Variants in SUCLG2 observed in about 807,000 individuals in gnomAD.
The protein encoded by SUCLG2 is succinate-CoA ligase GDP-forming subunit beta, also known as succinate--CoA ligase [GDP-forming] subunit beta, mitochondrial.
Under a neutral mutation model 47.9 loss-of-function variants are expected in SUCLG2, and 42 were observed. The ratio of observed to expected loss-of-function variants is 0.88; its 90% confidence interval spans 0.69 to 1.14. The LOEUF is 1.14. Among genes scored for constraint, SUCLG2 ranks in the 50% most tolerant of loss-of-function variants. The pLI is 0.00. For missense variants in SUCLG2, 571 were observed against 525.9 expected (o/e 1.09, Z -0.84); for synonymous variants, 195 against 197.3 (o/e 0.99, Z 0.10).
chr3:67,374,275 CAAT>C (rs1317822601), downstream of SUCLG2, among the ~76,000 whole-genome samples: 1 of 152,062 alleles, frequency 6.6e-6, no homozygotes, highest in Non-Finnish European at 1.5e-5. Flanking sequence ...TGGCTCTAAA[CAAT>C]AATGACTTTC....
chr3:67,462,081 T>C (rs1170733914), intron 9 of SUCLG2, among the ~76,000 whole-genome samples: 1 of 152,108 alleles, frequency 6.6e-6, no homozygotes, highest in Non-Finnish European at 1.5e-5. Flanking sequence ...AGTTCCTAGC[T>C]CATAACTCCC....
At chr3:67,383,796 C>A (rs1374257148) in intron 10 of SUCLG2, among the ~76,000 whole-genome samples, 1 of 152,020 alleles carries the variant, frequency 6.6e-6, no homozygotes, top group Non-Finnish European at 1.5e-5. Context: ...GTTAAAGGAG[C>A]CTTAATATTA....
Position 67,444,315 on chromosome 3 carries a change from G to A in SUCLG2, c.1063-43464C>T, listed in dbSNP as rs1369773513. Among the ~76,000 whole-genome samples, 6 of 79,702 alleles carry A rather than the reference G, an allele frequency of 7.5e-5. 1 individual carries two copies. Among genetic ancestry groups the A allele is most frequent in the South Asian group, 6.7e-4 (1 of 1,494 alleles). 52.3% of individuals were successfully genotyped at this position (79,702 alleles called of 152,430 possible). Reference sequence around the variant, plus strand: ...GGTCAGCCCTCCCACCCGGCCAGCCGCCCCGTCTGGGAGGGAGGTGGGGGG... The same window carrying A: ...GGTCAGCCCTCCCACCCGGCCAGCCACCCCGTCTGGGAGGGAGGTGGGGGG... On this transcript the variant is annotated intron_variant, in intron 9 of 10. Coordinates refer to ENST00000307227, the MANE Select transcript of SUCLG2 (RefSeq NM_003848.4).
At chr3:67,435,628 C>A (rs1703600422) in intron 9 of SUCLG2, among the ~76,000 whole-genome samples, 1 of 152,210 alleles carries the variant, frequency 6.6e-6, no homozygotes, top group Non-Finnish European at 1.5e-5. Context: ...TATGTCCACA[C>A]ATATGTGCCT....
At chr3:67,430,486 CAAGAGAAAGCAGGA>C (rs1487237640) in intron 9 of SUCLG2, among the ~76,000 whole-genome samples, 2 of 152,096 alleles carry the variant, frequency 1.3e-5, no homozygotes, top group Admixed American at 1.3e-4. Context: ...TAAATGCCCA[CAAGAGAAAGCAGGA>C]AAGATCCAAA....
intron 9 of SUCLG2, among the ~76,000 whole-genome samples, chr3:67,475,854 A>C (rs1245467823): frequency 6.6e-6 from 1 of 152,012 alleles, no homozygotes; most frequent in African/African-American, 2.4e-5. Flanking sequence ...ATGCCCAACA[A>C]AAATGTTTCC....
chr3:67,364,972 A>G (rs913369211), intron 10 of SUCLG2, among the ~76,000 whole-genome samples: 1 of 152,202 alleles, frequency 6.6e-6, no homozygotes, highest in Non-Finnish European at 1.5e-5. Flanking sequence ...GATAGAAAGA[A>G]CCAAATGGAA....
intron 1 of SUCLG2, among the ~76,000 whole-genome samples, chr3:67,653,898 A>T (rs997189832): frequency 2.0e-5 from 3 of 152,216 alleles, no homozygotes; most frequent in African/African-American, 7.2e-5. Flanking sequence ...CAATGGTCTA[A>T]TGCGTTTTAG....
At chr3:67,607,684 C>T (rs766059590) in intron 2 of SUCLG2, among the ~76,000 whole-genome samples, 2 of 152,178 alleles carry the variant, frequency 1.3e-5, no homozygotes, top group Non-Finnish European at 2.9e-5. Flanking sequence ...ACCCAAATCT[C>T]ACCTTGAATT....
chr3:67,556,757 C>A (rs1426980875), intron 2 of SUCLG2, among the ~76,000 whole-genome samples: 1 of 152,180 alleles, frequency 6.6e-6, no homozygotes, highest in East Asian at 1.9e-4. Flanking sequence ...ATGTACAAAC[C>A]AGTAAGAGTT....
intron 1 of SUCLG2, among the ~76,000 whole-genome samples, chr3:67,611,629 A>G (rs552142396): frequency 6.6e-6 from 1 of 152,252 alleles, no homozygotes; most frequent in Non-Finnish European, 1.5e-5. Flanking sequence ...CTACGTTGAC[A>G]TAACAATTTA....
chr3:67,379,421 T>TTA (rs1376486744), intron 10 of SUCLG2, among the ~76,000 whole-genome samples: 1 of 152,202 alleles, frequency 6.6e-6, no homozygotes, highest in Non-Finnish European at 1.5e-5. Flanking sequence ...GACTAGTTTT[T>TTA]TATCACGGTT....
At chr3:67,419,448 C>T (rs188476191) in intron 9 of SUCLG2, among the ~76,000 whole-genome samples, 3 of 152,120 alleles carry the variant, frequency 2.0e-5, no homozygotes, top group Non-Finnish European at 4.4e-5. Flanking sequence ...AGAAATGTAA[C>T]TAAAATCATG....
intron 9 of SUCLG2, among the ~76,000 whole-genome samples, chr3:67,462,628 G>A (rs1704365915): frequency 6.6e-6 from 1 of 152,136 alleles, no homozygotes; most frequent in Non-Finnish European, 1.5e-5. Context: ...TGTATCTTCT[G>A]TAACATCCTT....
At chr3:67,623,582 A>G (rs2107338945) in intron 1 of SUCLG2, among the ~76,000 whole-genome samples, 1 of 152,306 alleles carries the variant, frequency 6.6e-6, no homozygotes, top group Non-Finnish European at 1.5e-5. Context: ...AAATTTTCAA[A>G]AAGGGGAAAA....
rs749927836 is a variant in SUCLG2 at position 67,405,628 on chromosome 3, A to G, written c.1063-4777T>C. Among the ~76,000 whole-genome samples, 166 of 152,314 alleles carry G rather than the reference A, an allele frequency of 1.1e-3. 2 individuals carry two copies. The highest frequency in any genetic ancestry group is 6.8e-3 in the Middle Eastern group (2 of 294). ...CAGCATATGCATTCAGGATAGGGCT[A>G]TGAGTTTCAGATAATGGCAAGTGTT... On this transcript the variant is annotated intron_variant, in intron 9 of 10. Coordinates refer to ENST00000307227, the MANE Select transcript of SUCLG2 (RefSeq NM_003848.4).
chr3:67,498,324 G>C (rs1483608032), intron 7 of SUCLG2, 29 bp from the exon 8 acceptor site: 1 of 1,608,294 alleles, frequency 6.2e-7, no homozygotes, highest in Admixed American at 1.7e-5. Context: ...AATCATACTT[G>C]AATATCTCTT....
intron 1 of SUCLG2, among the ~76,000 whole-genome samples, chr3:67,641,179 T>C (rs1701094482): frequency 6.6e-6 from 1 of 152,226 alleles, no homozygotes; most frequent in African/African-American, 2.4e-5. Context: ...CTTGGGATAT[T>C]CTTCTCAATT....
chr3:67,591,569 G>A (rs1479493734), intron 2 of SUCLG2, among the ~76,000 whole-genome samples: 1 of 152,118 alleles, frequency 6.6e-6, no homozygotes, highest in Non-Finnish European at 1.5e-5. Context: ...TTATCAGGGG[G>A]TTCTGCTTTT....
Sources: gnomAD v4.1 joint callset for allele counts (sites outside exome capture counted in the v4.1 genomes callset) on GRCh38, gnomAD v4.1.1 for gene constraint, MANE v1.5 for transcripts, NCBI Gene and HGNC (gene_info 2026-07-23, HGNC 2026-07-21) for gene names.